Variants in PRCP observed in about 807,000 individuals in gnomAD.
PRCP encodes the protein lysosomal Pro-X carboxypeptidase.
PRCP carries 46 observed loss-of-function variants against 54.2 expected under a neutral mutation model. The ratio of observed to expected loss-of-function variants is 0.85; its 90% CI spans 0.67 to 1.09. The LOEUF is 1.09. Ranked by LOEUF, PRCP falls within the 50% of genes least tolerant of loss-of-function variation. The pLI, the probability that PRCP is intolerant of heterozygous loss-of-function variation, is 0.00. For missense variants in PRCP, 613 were observed against 596.8 expected, an observed-to-expected ratio of 1.03 and a Z score of -0.28; for synonymous variants, 240 against 212.2, an observed-to-expected ratio of 1.13 and a Z score of -1.14.
rs1859766051 is a variant in PRCP at position 82,882,279 on chromosome 11, A to G, written c.168+17956T>C. The stretch of plus-strand genomic sequence containing the variant: ...TCAAACCCATGTTGTTCTAGGGTCA[A>G]CTGCAGTAGTATTCATAGTAATGTG... On this transcript the variant is annotated intron_variant, in intron 1 of 8. Transcript: ENST00000313010. 2.0e-5 allele frequency among the ~76,000 whole-genome samples: 3 copies of G among 152,328 alleles called. No individual in the cohort carries two copies. The South Asian group carries it at 6.2e-4, about 32-fold the overall frequency.
intron 6 of PRCP, chr11:82,843,356 T>C (rs1858722274): frequency 6.6e-6 from 1 of 151,852 alleles, no homozygotes; most frequent in African/African-American, 2.4e-5. Flanking sequence ...TTCACATACT[T>C]TTATCAAATA....
At chr11:82,888,051 C>T (rs979479537) in intron 1 of PRCP, among the ~76,000 whole-genome samples, 14 of 152,260 alleles carry the variant, frequency 9.2e-5, no homozygotes, top group African/African-American at 3.1e-4. Flanking sequence ...TGAAGACTCC[C>T]ATATCACATA....
rs999744889 is a variant in PRCP, at chr11:82,866,989, T to C, written c.169-6872A>G. ...CACCTGCCTCAGCCTCCCAAAGTGC[T>C]GGGATTACAGGCATGAGCCACCGCG... On this transcript the variant is annotated intron_variant, in intron 1 of 8. Transcript: ENST00000313010. 4.6e-5 allele frequency among the ~76,000 whole-genome samples: 7 copies of C among 152,224 alleles called. No homozygotes were observed. In the East Asian group the frequency reaches 1.3e-3, roughly 29 times the overall value.
chr11:82,858,417 T>C (rs1859138679), intron 2 of PRCP: 1 of 152,248 alleles, frequency 6.6e-6, no homozygotes, highest in South Asian at 2.1e-4. Context: ...CTGGAACATT[T>C]TGGTATGTAA....
At chr11:82,899,884 A>C in intron 1 of PRCP, 2 of 247,356 alleles carry the variant, frequency 8.1e-6, no homozygotes, top group Non-Finnish European at 1.6e-5. Flanking sequence ...ACCGCAGACT[A>C]GGTACCAGAG....
intron 8 of PRCP, among the ~76,000 whole-genome samples, chr11:82,832,247 G>T (rs974116208): frequency 6.6e-6 from 1 of 152,102 alleles, no homozygotes; most frequent in African/African-American, 2.4e-5. Context: ...GGATTGCTGG[G>T]TCAAATGGCT....
rs577865447 is a variant in PRCP at position 82,851,233 on chromosome 11, T to C, written c.412-728A>G. On this transcript the variant is annotated intron_variant, in intron 3 of 8. Transcript: ENST00000313010. ...TCTGCAAATTCTTGACACTCATTCC[T>C]TTAAAAGGTGAAGCTTAATTCCACT... 6.2e-4 allele frequency among the ~76,000 whole-genome samples: 94 copies of C among 152,228 alleles called. No homozygotes were observed. In the South Asian group the frequency reaches 0.019, roughly 31 times the overall value.
chr11:82,860,213 C>T, intron 1 of PRCP, 96 bp from the exon 2 acceptor site: 5 of 845,746 alleles, frequency 5.9e-6, no homozygotes, highest in Non-Finnish European at 6.4e-6. Context: ...TCAATCTCTA[C>T]TACAAAAATA....
Position 82,855,345 on chromosome 11 carries a change from A to G in PRCP, c.310-2067T>C, listed in dbSNP as rs944496807. On this transcript the variant is annotated intron_variant, in intron 2 of 8. Coordinates refer to ENST00000313010, the MANE Select transcript of PRCP (RefSeq NM_005040.4). ...TAAATTTACAAGAAAAGGGCCGGGC[A>G]TGGTGGCTCACGCCTGTAATCCCAG... Among the ~76,000 whole-genome samples the G allele has an allele frequency of 3.3e-5, 5 of 152,328 alleles. No individual in the cohort carries two copies. In the East Asian group the frequency reaches 9.6e-4, roughly 29 times the overall value.
chr11:82,880,348 G>A (rs1222951265), intron 1 of PRCP, among the ~76,000 whole-genome samples: 3 of 152,240 alleles, frequency 2.0e-5, no homozygotes, highest in Non-Finnish European at 4.4e-5. Context: ...GCCAGGCACA[G>A]GATATAATCT....
intron 6 of PRCP, among the ~76,000 whole-genome samples, chr11:82,845,046 AAAC>A (rs201128257): frequency 0.03 from 4,018 of 133,428 alleles, 69 homozygotes; most frequent in Middle Eastern, 0.057. Flanking sequence ...AAAAAAAAAA[AAAC>A]AACTGTAAAA....
chr11:82,882,494 C>CTT lies in PRCP; in HGVS notation c.168+17739_168+17740dup, dbSNP rs766453104. Among the ~76,000 whole-genome samples the CTT allele has an allele frequency of 4.1e-3, 522 of 127,804 alleles. 15 individuals carry two copies. Among genetic ancestry groups the CTT allele is most frequent in the African/African-American group, 0.014 (454 of 32,670 alleles). 83.8% of individuals were successfully genotyped at this position (127,804 alleles called of 152,430 possible). On this transcript the variant is annotated intron_variant, in intron 1 of 8. Transcript: ENST00000313010. ...GACCAAAGCTGATACTGAGCCAGTT[C>CTT]TTTTTTTTTTTTTTTTTTTGAGACG...
intron 1 of PRCP, among the ~76,000 whole-genome samples, chr11:82,865,057 T>C (rs1859299152): frequency 6.6e-6 from 1 of 152,174 alleles, no homozygotes; most frequent in East Asian, 1.9e-4. Context: ...ACAGATCCCT[T>C]CACCATCTCG....
Position 82,860,043 on chromosome 11 carries a change from T to G in PRCP, c.243A>C (p.Lys81Asn). ...TGTAGAAAAGTATTGATCCACCATT[T>G]TTCTTCCAGTATTTATCAGCTACTA... is the stretch of plus-strand genomic sequence containing the variant. Reference protein sequence around the residue: ...RYLVADKYWKKNGGSILFYTG... With the variant: ...RYLVADKYWKNNGGSILFYTG... Residue 81 changes from lysine to asparagine, a missense_variant, in exon 2 of 9, where the codon AAA becomes AAC. Coordinates refer to ENST00000313010, the MANE Select transcript of PRCP (RefSeq NM_005040.4). 6.3e-7 allele frequency: 1 copy of G among 1,592,150 alleles called. No individual in the cohort carries two copies.
chr11:82,839,656 A>AT, intron 6 of PRCP: 2 of 498,780 alleles, frequency 4.0e-6, no homozygotes, highest in Non-Finnish European at 7.0e-6. Context: ...TGGTATGCAA[A>AT]GTCCTCTCCA....
intron 2 of PRCP, 135 bp downstream of exon 2, chr11:82,859,842 A>T (rs1053981432): frequency 1.2e-6 from 1 of 853,836 alleles, no homozygotes; most frequent in South Asian, 3.1e-5. Context: ...TAGTGTGTTA[A>T]TTTTTTTGTT....
intron 2 of PRCP, among the ~76,000 whole-genome samples, chr11:82,857,251 T>C (rs1859113602): frequency 6.6e-6 from 1 of 152,226 alleles, no homozygotes; most frequent in South Asian, 2.1e-4. Flanking sequence ...ACTGAGTGTT[T>C]ATAATGTGTC....
At chr11:82,833,992 G>A (rs773486162) in intron 8 of PRCP, among the ~76,000 whole-genome samples, 2 of 151,962 alleles carry the variant, frequency 1.3e-5, no homozygotes, top group South Asian at 2.1e-4. Context: ...CATCATCATC[G>A]CTTTGACAAT....
intron 1 of PRCP, among the ~76,000 whole-genome samples, chr11:82,865,531 T>C (rs1859310337): frequency 6.6e-6 from 1 of 152,186 alleles, no homozygotes; most frequent in African/African-American, 2.4e-5. Flanking sequence ...GAAAATTCAG[T>C]ATGCAGTTGG....
Sources: allele counts gnomAD v4.1 joint callset (sites outside exome capture counted in the v4.1 genomes callset), GRCh38; gene constraint gnomAD v4.1.1; transcripts MANE v1.5; gene names NCBI Gene and HGNC (gene_info 2026-07-23, HGNC 2026-07-21).